The following CATSPERE variants were observed in gnomAD, a reference collection of about 807,000 sequenced individuals.
CATSPERE encodes cation channel sperm-associated auxiliary subunit epsilon.
A neutral mutation model predicts 114.1 loss-of-function variants in CATSPERE; 93 were observed. The ratio of observed to expected loss-of-function variants is 0.81; its 90% CI spans 0.69 to 0.97. CATSPERE has a LOEUF of 0.97. CATSPERE is among the 50% of genes least tolerant of loss of function. The pLI is 0.00. For synonymous variants in CATSPERE, 341 were observed against 384.1 expected (o/e 0.89, Z 1.31); for missense variants, 1,058 against 1,131.6 (o/e 0.93, Z 0.93).
chr1:244,477,004 C>CT (rs1476973814), intron 2 of CATSPERE, among the ~76,000 whole-genome samples: 1 of 151,778 alleles, frequency 6.6e-6, no homozygotes. Context: ...CTTTTCTTTT[C>CT]TTTTTTTTGA....
intron 2 of CATSPERE, among the ~76,000 whole-genome samples, chr1:244,473,954 T>TG (rs1162536117): frequency 6.6e-6 from 1 of 152,166 alleles, no homozygotes; most frequent in Non-Finnish European, 1.5e-5. Flanking sequence ...TGGCTACCTT[T>TG]GTGCTTATAC....
At chr1:244,454,495 G>A (rs1280784008) in exon 1 of CATSPERE, 2 of 151,780 alleles carry the variant, frequency 1.3e-5, no homozygotes, top group Non-Finnish European at 1.5e-5. Flanking sequence ...ATTTTCTCTT[G>A]TAAAGTGGCT....
intron 20 of CATSPERE, among the ~76,000 whole-genome samples, chr1:244,621,149 T>G (rs1462465686): frequency 2.4e-5 from 1 of 42,326 alleles, no homozygotes; most frequent in African/African-American, 8.9e-5. Context: ...AATATATATA[T>G]TATAAAATAT....
At chr1:244,505,314 C>T (rs1293283417) in intron 7 of CATSPERE, among the ~76,000 whole-genome samples, 1 of 152,114 alleles carries the variant, frequency 6.6e-6, no homozygotes, top group Non-Finnish European at 1.5e-5. Flanking sequence ...CGTTTCGGTT[C>T]CTTTATTAGA....
Position 244,508,855 on chromosome 1 carries a change from G to A in CATSPERE, c.430-9737G>A, listed in dbSNP as rs147313510. The stretch of plus-strand genomic sequence containing the variant: ...CTAAAAAAAAAAAAAAAAAAAATTA[G>A]CCAGGCATAGTAGCACGTGCCTGTA... On this transcript the variant is annotated intron_variant, in intron 7 of 21. Coordinates refer to ENST00000366534, the MANE Select transcript of CATSPERE (RefSeq NM_001130957.2). Among the ~76,000 whole-genome samples, 664 of 146,884 alleles carry A rather than the reference G, an allele frequency of 4.5e-3. 6 individuals are homozygous for A. The highest frequency in any genetic ancestry group is 0.016 in the African/African-American group (619 of 39,628).
At chr1:244,527,744 G>A (rs1348685256) in intron 8 of CATSPERE, among the ~76,000 whole-genome samples, 1 of 152,088 alleles carries the variant, frequency 6.6e-6, no homozygotes, top group Non-Finnish European at 1.5e-5. Flanking sequence ...TATTAATTTG[G>A]GGAACTAATA....
chr1:244,593,907 G>GTGAT (rs1179151470), intron 17 of CATSPERE, among the ~76,000 whole-genome samples: 1 of 152,122 alleles, frequency 6.6e-6, no homozygotes, highest in Non-Finnish European at 1.5e-5. Context: ...CCTTCCCCAG[G>GTGAT]TGATATAACT....
At chr1:244,629,710 G>T (rs999437536) in intron 20 of CATSPERE, among the ~76,000 whole-genome samples, 1 of 151,604 alleles carries the variant, frequency 6.6e-6, no homozygotes, top group Non-Finnish European at 1.5e-5. Context: ...CATGATCTCA[G>T]CTCAATGCAG....
intron 18 of CATSPERE, among the ~76,000 whole-genome samples, chr1:244,606,744 G>A (rs1670058518): frequency 6.6e-6 from 1 of 151,758 alleles, no homozygotes; most frequent in African/African-American, 2.4e-5. Flanking sequence ...TGGGACTACA[G>A]GCACATGCCA....
chr1:244,495,707 G>A (rs887546216), intron 6 of CATSPERE, among the ~76,000 whole-genome samples: 1 of 152,110 alleles, frequency 6.6e-6, no homozygotes, highest in Admixed American at 6.5e-5. Context: ...GCGACAGAGC[G>A]AGACTCCATC....
intron 17 of CATSPERE, among the ~76,000 whole-genome samples, chr1:244,598,982 G>A (rs1483909763): frequency 7.9e-5 from 12 of 152,138 alleles, no homozygotes; most frequent in Admixed American, 2.0e-4. Context: ...TAAAATCCCA[G>A]TGCCTAACTC....
Position 244,639,983 on chromosome 1 carries a change from A to G in CATSPERE, c.2758A>G (p.Thr920Ala). The G allele has an allele frequency of 6.5e-7, 1 of 1,549,702 alleles. No individual in the cohort carries two copies. Among genetic ancestry groups the G allele is most frequent in the Non-Finnish European group, 8.7e-7 (1 of 1,146,616 alleles). The part of the protein sequence containing the change: ...FLFVLMLLFF[T>A]ILVLSYFRYM... ...CTTCGTCCTGATGCTGCTCTTCTTC[A>G]CTATTCTTGTTTTGAGCTACTTTCG... The change falls in exon 22 of 22, where the codon ACT becomes GCT. Residue 920 changes from threonine to alanine, a missense_variant. Around this residue, in one of 2 missense-constraint regions of CATSPERE, gnomAD observed 787 missense variants for 905.6 expected, o/e 0.87. Transcript: ENST00000366534.
chr1:244,588,543 ATT>A lies in CATSPERE; in HGVS notation c.2138+11_2138+12del. 1 of 1,594,560 alleles carries A rather than the reference ATT, an allele frequency of 6.3e-7. No homozygotes were observed. The highest frequency in any genetic ancestry group is 8.6e-7 in the Non-Finnish European group (1 of 1,162,308). ...TTCATTGCAATTAAAGGGTAAGTAT[ATT>A]TCCATTTGACCTGTGTTACTCTTTA... On this transcript the variant is annotated intron_variant, in intron 14 of 21. Transcript: ENST00000366534.
intron 13 of CATSPERE, among the ~76,000 whole-genome samples, chr1:244,584,471 A>G (rs553024599): frequency 5.6e-4 from 85 of 152,128 alleles, no homozygotes; most frequent in African/African-American, 2.0e-3. Context: ...AAAACATTCC[A>G]GGAAAAGGCA....
At chr1:244,555,031 A>G (rs548155454) in intron 9 of CATSPERE, among the ~76,000 whole-genome samples, 2 of 152,336 alleles carry the variant, frequency 1.3e-5, no homozygotes, top group African/African-American at 2.4e-5. Flanking sequence ...CAAACACCAT[A>G]TGATCCTCTC....
At chr1:244,469,360 C>G (rs1209176089) in intron 2 of CATSPERE, among the ~76,000 whole-genome samples, 2 of 152,138 alleles carry the variant, frequency 1.3e-5, no homozygotes, top group African/African-American at 4.8e-5. Flanking sequence ...ATATCCATTA[C>G]TCAGCTCCAG....
chr1:244,459,067 A>G (rs1229578727), upstream of CATSPERE, among the ~76,000 whole-genome samples: 1 of 147,176 alleles, frequency 6.8e-6, no homozygotes, highest in Non-Finnish European at 1.5e-5. Context: ...TAGGTATTTG[A>G]GGCTGGGCTC....
chr1:244,519,270 G>A (rs1006957010), intron 8 of CATSPERE, among the ~76,000 whole-genome samples: 1 of 152,124 alleles, frequency 6.6e-6, no homozygotes, highest in Non-Finnish European at 1.5e-5. Flanking sequence ...CACAAAGAGG[G>A]TGCACCAACT....
At chr1:244,515,345 A>G (rs965591393) in intron 7 of CATSPERE, 1 of 976,662 alleles carries the variant, frequency 1.0e-6, no homozygotes, top group Admixed American at 6.2e-5. Context: ...TTTTTTCATT[A>G]TTTGTTCAAC....
Sources: gnomAD v4.1 joint callset for allele counts (sites outside exome capture counted in the v4.1 genomes callset) on GRCh38, gnomAD v4.1.1 for gene constraint, gnomAD v4.1.1 regional missense constraint, MANE v1.5 for transcripts, NCBI Gene and HGNC (gene_info 2026-07-23, HGNC 2026-07-21) for gene names.